UBE3D: variants seen among roughly 807,000 people sequenced by gnomAD.
UBE3D encodes ubiquitin protein ligase E3D, also known as E3 ubiquitin-protein ligase E3D.
UBE3D carries 48 observed loss-of-function variants against 49.6 expected under a neutral mutation model. The ratio of observed to expected loss-of-function variants is 0.97; its 90% CI spans 0.77 to 1.23. The LOEUF is 1.23. Ranked by LOEUF, UBE3D falls within the 50% of genes most tolerant of loss-of-function variation. The pLI, the probability that UBE3D is intolerant of heterozygous loss-of-function variation, is 0.00. For synonymous variants in UBE3D, 189 were observed against 174.2 expected (o/e 1.08, Z -0.67); for missense variants, 452 against 468.4 (o/e 0.96, Z 0.32).
intron 1 of UBE3D, among the ~76,000 whole-genome samples, chr6:83,060,251 C>T (rs934991988): frequency 6.6e-6 from 1 of 152,038 alleles, no homozygotes; most frequent in African/African-American, 2.4e-5. Context: ...CAAAGGATGC[C>T]AGCAGACTAT....
At chr6:82,908,804 G>GTAC (rs1383790722) in intron 9 of UBE3D, among the ~76,000 whole-genome samples, 1 of 152,010 alleles carries the variant, frequency 6.6e-6, no homozygotes, top group African/African-American at 2.4e-5. Flanking sequence ...ACTTACTCAC[G>GTAC]TACTATGCTA....
At chr6:83,000,776 C>T (rs931528719) in intron 8 of UBE3D, among the ~76,000 whole-genome samples, 1 of 152,182 alleles carries the variant, frequency 6.6e-6, no homozygotes, top group South Asian at 2.1e-4. Context: ...TACTGCCTCC[C>T]ACCCCTTGCC....
intron 8 of UBE3D, among the ~76,000 whole-genome samples, chr6:83,008,842 T>G (rs1487613192): frequency 6.6e-6 from 1 of 152,188 alleles, no homozygotes. Flanking sequence ...GTTTACCTAC[T>G]TCTCTTCCTA....
At chr6:82,929,703 T>G (rs2127743133) in intron 9 of UBE3D, among the ~76,000 whole-genome samples, 1 of 152,286 alleles carries the variant, frequency 6.6e-6, no homozygotes, top group African/African-American at 2.4e-5. Context: ...CTTTTTGCTT[T>G]TTTTCTTCTC....
downstream of UBE3D, among the ~76,000 whole-genome samples, chr6:82,888,460 TA>T (rs1562054457): frequency 6.6e-6 from 1 of 152,008 alleles, no homozygotes; most frequent in African/African-American, 2.4e-5. Context: ...AGGGATCAAA[TA>T]AAAATATTGA....
chr6:83,007,519 C>T (rs1385875284), intron 8 of UBE3D, among the ~76,000 whole-genome samples: 1 of 152,128 alleles, frequency 6.6e-6, no homozygotes, highest in African/African-American at 2.4e-5. Flanking sequence ...AAATTCTTCA[C>T]CAGTATTTAA....
At chr6:82,970,387 A>T (rs1777259866) in intron 8 of UBE3D, among the ~76,000 whole-genome samples, 1 of 152,148 alleles carries the variant, frequency 6.6e-6, no homozygotes, top group Non-Finnish European at 1.5e-5. Flanking sequence ...AAAAATTTTA[A>T]ATCACAGGCA....
At chr6:82,940,724 T>C (rs1052678333) in intron 9 of UBE3D, among the ~76,000 whole-genome samples, 1 of 152,160 alleles carries the variant, frequency 6.6e-6, no homozygotes, top group Admixed American at 6.5e-5. Flanking sequence ...GAGACCCTCA[T>C]ATATAATGTC....
At chr6:82,965,057 C>T (rs1776812555) in intron 8 of UBE3D, among the ~76,000 whole-genome samples, 1 of 152,056 alleles carries the variant, frequency 6.6e-6, no homozygotes, top group African/African-American at 2.4e-5. Flanking sequence ...TACACAATTC[C>T]TGAATGCTAT....
chr6:82,994,760 T>C (rs1779128378), intron 8 of UBE3D, among the ~76,000 whole-genome samples: 1 of 152,168 alleles, frequency 6.6e-6, no homozygotes, highest in Non-Finnish European at 1.5e-5. Context: ...AGACAAACTT[T>C]AGGTTTTGAG....
At position 83,028,014 on chromosome 6, in the gene UBE3D, CTCT is replaced by C. The variant is rs1429533790; in HGVS notation, c.668-3979_668-3977del. Among the ~76,000 whole-genome samples, 438 of 151,980 alleles carry C rather than the reference CTCT, an allele frequency of 2.9e-3. 1 individual carries two copies. The highest frequency in any genetic ancestry group is 9.6e-3 in the African/African-American group (395 of 41,282). On this transcript the variant is annotated intron_variant, in intron 5 of 9. Transcript: ENST00000369747. ...CATCTATCTTTTGCTCGTTAATTCTCTCTTCAAGTTGTATCTAATCTGGTGTTA... is the reference window on the plus strand; with the variant it reads ...CATCTATCTTTTGCTCGTTAATTCTCTCAAGTTGTATCTAATCTGGTGTTA...
the UBE3D span, among the ~76,000 whole-genome samples, chr6:82,883,857 A>T: frequency 2.0e-5 from 3 of 152,202 alleles, no homozygotes; most frequent in Non-Finnish European, 4.4e-5. Context: ...GGCAAAAAAA[A>T]GTAATTAAAT....
intron 8 of UBE3D, among the ~76,000 whole-genome samples, chr6:82,977,113 C>CAAAAAAAAAAAAAAAAAAAAA (rs58424434): frequency 2.3e-5 from 1 of 42,572 alleles, no homozygotes; most frequent in Non-Finnish European, 3.7e-5. Context: ...GACTCCATCT[C>CAAAAAAAAAAAAAAAAAAAAA]AAAAAAAAAA....
chr6:82,906,723 G>A (rs538865842), intron 9 of UBE3D, among the ~76,000 whole-genome samples: 47 of 152,252 alleles, frequency 3.1e-4, no homozygotes, highest in South Asian at 1.0e-3. Flanking sequence ...CCCTTCTGCA[G>A]GCCACTGCCT....
In UBE3D at chr6:82,936,651, C is replaced by G. The variant is rs183291631; in HGVS notation, c.1149+20661G>C. 7.5e-4 allele frequency among the ~76,000 whole-genome samples: 114 copies of G among 152,270 alleles called. 1 individual carries two copies. The highest frequency in any genetic ancestry group is 2.6e-3 in the African/African-American group (110 of 41,568). The stretch of plus-strand genomic sequence containing the variant: ...CTTTGTATGCTATGGATTAATCACA[C>G]TGTCTTAAATTTCTGAAAGCCAACT... On this transcript the variant is annotated intron_variant, in intron 9 of 9. Transcript: ENST00000369747.
At chr6:83,026,844 A>G (rs1410401832) in intron 5 of UBE3D, among the ~76,000 whole-genome samples, 19 of 152,032 alleles carry the variant, frequency 1.2e-4, no homozygotes, top group Non-Finnish European at 8.8e-5. Flanking sequence ...GGCATGCACC[A>G]CTATGCCCAG....
chr6:82,923,546 C>T (rs973811945), intron 9 of UBE3D, among the ~76,000 whole-genome samples: 14 of 152,176 alleles, frequency 9.2e-5, no homozygotes, highest in Admixed American at 9.2e-4. Flanking sequence ...ACATCACACA[C>T]CAGAGCCTGG....
chr6:82,936,448 C>T (rs1774580840), intron 9 of UBE3D, among the ~76,000 whole-genome samples: 1 of 151,534 alleles, frequency 6.6e-6, no homozygotes, highest in Non-Finnish European at 1.5e-5. Flanking sequence ...TAATTTACTA[C>T]CAGCAGGAAG....
At chr6:82,882,496 C>A in the UBE3D span, among the ~76,000 whole-genome samples, 3 of 152,280 alleles carry the variant, frequency 2.0e-5, no homozygotes, top group East Asian at 5.8e-4. Context: ...GCCAGTTCTT[C>A]CCGGCTACCT....
Sources: gnomAD v4.1 joint callset for allele counts (sites outside exome capture counted in the v4.1 genomes callset) on GRCh38, gnomAD v4.1.1 for gene constraint, MANE v1.5 for transcripts, NCBI Gene and HGNC (gene_info 2026-07-23, HGNC 2026-07-21) for gene names.